The following STK3 variants were observed in gnomAD, a reference collection of about 807,000 sequenced individuals.
The protein encoded by STK3 is serine/threonine kinase 3.
STK3 carries 41 observed loss-of-function variants against 58.0 expected under a neutral mutation model. The observed-to-expected ratio is 0.71, with a 90% CI of 0.55 to 0.92. The LOEUF is 0.92. Ranked by LOEUF, STK3 falls within the 40% of genes least tolerant of loss-of-function variation. STK3 has a pLI of 0.00. For missense variants in STK3, 479 were observed against 602.7 expected (o/e 0.79, Z 2.15); for synonymous variants, 170 against 191.0 (o/e 0.89, Z 0.91).
intron 6 of STK3, among the ~76,000 whole-genome samples, chr8:98,676,780 G>A (rs1017844409): frequency 6.6e-6 from 1 of 152,134 alleles, no homozygotes; most frequent in Non-Finnish European, 1.5e-5. Flanking sequence ...TTAAAATGGT[G>A]AATTTATGCT....
At chr8:98,415,336 A>G (rs942020782) in intron 3 of STK3, among the ~76,000 whole-genome samples, 4 of 152,222 alleles carry the variant, frequency 2.6e-5, no homozygotes, top group Admixed American at 2.0e-4. Context: ...GACAGACTCT[A>G]TGTGAATAAG....
chr8:98,913,090 A>G (rs1385443060), intron 1 of STK3, among the ~76,000 whole-genome samples: 1 of 151,804 alleles, frequency 6.6e-6, no homozygotes, highest in African/African-American at 2.4e-5. Context: ...GCTATTTTTG[A>G]AACTAAATTG....
intron 5 of STK3, 120 bp from the exon 6 acceptor site, chr8:98,706,754 C>T (rs1825995558): frequency 8.5e-7 from 1 of 1,177,632 alleles, no homozygotes; most frequent in Non-Finnish European, 1.1e-6. Context: ...CAGAAATTGA[C>T]TATTTTGCTA....
At chr8:98,904,239 G>C (rs770248835) in intron 1 of STK3, among the ~76,000 whole-genome samples, 6 of 152,172 alleles carry the variant, frequency 3.9e-5, no homozygotes, top group Non-Finnish European at 8.8e-5. Flanking sequence ...ATTTGAAAGA[G>C]AAAGGAGATG....
downstream of STK3, among the ~76,000 whole-genome samples, chr8:98,398,887 G>A (rs9297285): frequency 0.21 from 31,595 of 152,150 alleles, 3,857 homozygotes; most frequent in African/African-American, 0.34. Context: ...GTTAAATCCC[G>A]TGAGTTCATC....
chr8:98,817,396 G>C (rs1030998175), intron 1 of STK3, among the ~76,000 whole-genome samples: 3 of 148,306 alleles, frequency 2.0e-5, no homozygotes, highest in African/African-American at 5.0e-5. Flanking sequence ...GGAGGTTGCA[G>C]TGAGCCAAGA....
chr8:98,656,062 A>G (rs2130754019), intron 6 of STK3, among the ~76,000 whole-genome samples: 1 of 152,350 alleles, frequency 6.6e-6, no homozygotes, highest in East Asian at 1.9e-4. Context: ...ACTATTCACA[A>G]TAGCAAAGAC....
chr8:98,535,336 C>T (rs1207306065), intron 9 of STK3, among the ~76,000 whole-genome samples: 5 of 152,088 alleles, frequency 3.3e-5, no homozygotes, highest in Non-Finnish European at 7.4e-5. Context: ...ATAGAAACTA[C>T]AAAAAGCATG....
chr8:98,729,402 G>A (rs942473504), intron 4 of STK3, among the ~76,000 whole-genome samples: 3 of 151,930 alleles, frequency 2.0e-5, no homozygotes, highest in African/African-American at 2.4e-5. Flanking sequence ...GAGCCACCTC[G>A]CCCAGCCACC....
Position 98,843,616 on chromosome 8 carries a change from C to G in STK3, c.110+40031G>C, listed in dbSNP as rs193262503. Among the ~76,000 whole-genome samples the G allele has an allele frequency of 1.8e-3, 273 of 152,332 alleles. 3 individuals are homozygous for G. The highest frequency in any genetic ancestry group is 0.016 in the Admixed American group (248 of 15,306). On this transcript the variant is annotated intron_variant, in intron 3 of 12. Coordinates refer to the STK3 transcript ENST00000523601. ...TCCTCTTCCAGAATGCTTCCACAAC[C>G]TCTTCTTGTCATTGGCTCAAACTGT...
chr8:98,560,659 T>A (rs908240682), intron 8 of STK3, among the ~76,000 whole-genome samples: 1 of 152,158 alleles, frequency 6.6e-6, no homozygotes, highest in African/African-American at 2.4e-5. Flanking sequence ...TCCAGGAAGT[T>A]AATTTAGAAA....
At chr8:98,617,793 A>G (rs576446452) in intron 6 of STK3, among the ~76,000 whole-genome samples, 258 of 152,088 alleles carry the variant, frequency 1.7e-3, no homozygotes, top group African/African-American at 5.9e-3. Flanking sequence ...TAGACCAATA[A>G]CAGGAGCTGA....
chr8:98,650,439 C>T (rs546738947), intron 6 of STK3, among the ~76,000 whole-genome samples: 260 of 152,344 alleles, frequency 1.7e-3, no homozygotes, highest in Middle Eastern at 0.01. Flanking sequence ...TTCTACATTT[C>T]CATCTGAGGT....
intron 3 of STK3, chr8:98,431,587 T>C (rs16896992): frequency 0.12 from 19,393 of 167,092 alleles, 1,296 homozygotes; most frequent in Non-Finnish European, 0.16. Context: ...TCACTGAGCC[T>C]GGTATCCATG....
At chr8:98,587,124 T>G (rs1203985104) in intron 7 of STK3, among the ~76,000 whole-genome samples, 4 of 152,178 alleles carry the variant, frequency 2.6e-5, no homozygotes, top group African/African-American at 4.8e-5. Flanking sequence ...TTTAGTTATT[T>G]CTTGCCTTCT....
chr8:98,631,784 C>A (rs1819268074), intron 6 of STK3, among the ~76,000 whole-genome samples: 1 of 152,218 alleles, frequency 6.6e-6, no homozygotes, highest in South Asian at 2.1e-4. Flanking sequence ...CCTGCCTCAG[C>A]CTCCAAAGTA....
Position 98,594,592 on chromosome 8 carries a change from T to A in STK3, c.822+1440A>T, listed in dbSNP as rs150493247. On this transcript the variant is annotated intron_variant, in intron 7 of 10. Transcript: ENST00000419617. Reference sequence around the variant, plus strand: ...GCCTGGGTGACAGAGTGAGATACCATCTCAAAAAAATAAAAAATAAAATAA... The same window carrying A: ...GCCTGGGTGACAGAGTGAGATACCAACTCAAAAAAATAAAAAATAAAATAA... 3.5e-4 allele frequency among the ~76,000 whole-genome samples: 53 copies of A among 151,670 alleles called. No individual in the cohort carries two copies. The East Asian group carries it at 9.5e-3, about 27-fold the overall frequency.
intron 4 of STK3, among the ~76,000 whole-genome samples, chr8:98,715,954 A>G (rs1186879370): frequency 6.6e-6 from 1 of 152,214 alleles, no homozygotes; most frequent in Non-Finnish European, 1.5e-5. Context: ...ATGCAGCCAT[A>G]AAAAATGATG....
intron 3 of STK3, chr8:98,431,493 G>A (rs1009069061): frequency 1.8e-5 from 3 of 167,042 alleles, no homozygotes; most frequent in East Asian, 1.9e-4. Context: ...TAACATTTAC[G>A]GACTCATCCC....
Sources: gnomAD v4.1 joint callset for allele counts (sites outside exome capture counted in the v4.1 genomes callset) on GRCh38, gnomAD v4.1.1 for gene constraint, MANE v1.5 for transcripts, NCBI Gene and HGNC (gene_info 2026-07-23, HGNC 2026-07-21) for gene names.